The following ZMYM2 variants were observed in gnomAD, a reference collection of about 807,000 sequenced individuals.
ZMYM2 encodes the protein zinc finger MYM-type containing 2, also known as zinc finger MYM-type protein 2.
In ZMYM2, 56 loss-of-function variants were observed where a neutral mutation model predicts 162.8. That is an observed-to-expected ratio of 0.34 (90% CI 0.28 to 0.43). The LOEUF is 0.43. Among genes scored for constraint, ZMYM2 ranks in the 20% least tolerant of loss-of-function variants. ZMYM2 has a pLI of 1.00. For synonymous variants in ZMYM2, 510 were observed against 541.6 expected, an observed-to-expected ratio of 0.94 and a Z score of 0.81; for missense variants, 1,275 against 1,621.8, an observed-to-expected ratio of 0.79 and a Z score of 3.67.
Position 20,067,355 on chromosome 13 carries a change from G to A in ZMYM2, c.3418G>A (p.Asp1140Asn), listed in dbSNP as rs1266466626. ...RRPNGENYAP[D>N]SIYYLCLGIQ... Reference sequence around the variant, plus strand: ...GCCAAATGGAGAGAATTATGCACCTGACAGCATCTATTACCTTTGCCTTGG... The same window carrying A: ...GCCAAATGGAGAGAATTATGCACCTAACAGCATCTATTACCTTTGCCTTGG... Residue 1140 changes from aspartate (D) to asparagine (N), a missense_variant, in exon 21 of 25, where the codon GAC becomes AAC. Physicochemically the swap from Asp to Asn is conservative, Grantham distance 23. This residue lies in a region of ZMYM2 where 229 missense variants were observed against 283.8 expected (regional missense o/e 0.81). Transcript: ENST00000610343. The A allele has an allele frequency of 6.2e-7, 1 of 1,611,152 alleles. No homozygotes were observed. The highest frequency in any genetic ancestry group is 8.5e-7 in the Non-Finnish European group (1 of 1,178,358).
chr13:19,916,333 AC>A, the ZMYM2 span, among the ~76,000 whole-genome samples: 1 of 152,140 alleles, frequency 6.6e-6, no homozygotes, highest in Non-Finnish European at 1.5e-5. Flanking sequence ...AACTAGAAAT[AC>A]CATTTGACCC....
At position 20,087,276 on chromosome 13, in the gene ZMYM2, A is replaced by C. The variant is rs571811841; in HGVS notation, c.*1262A>C. The C allele has an allele frequency of 5.3e-6, 1 of 189,112 alleles. No individual in the cohort carries two copies. The highest frequency in any genetic ancestry group is 2.3e-5 in the African/African-American group (1 of 42,898). The allele number at this position is 189,112 out of a possible 1,614,324, so 11.7% of individuals were successfully genotyped here. A position where few individuals can be genotyped will look rare whatever the true frequency, so the allele number is the denominator to read the frequency against. On this transcript the variant is annotated 3_prime_UTR_variant, in exon 25 of 25. Coordinates refer to ENST00000610343, the MANE Select transcript of ZMYM2 (RefSeq NM_197968.4). ...CTTCTTATAGAAGATTGCATTAAAA[A>C]AAAAAACAACTTTGTGCTTCTGCAT...
intron 11 of ZMYM2, among the ~76,000 whole-genome samples, chr13:20,035,059 TG>T (rs1032833383): frequency 6.6e-6 from 1 of 152,218 alleles, no homozygotes. Context: ...TGCTCTAAGC[TG>T]GCTTTCACTT....
intron 21 of ZMYM2, among the ~76,000 whole-genome samples, chr13:20,075,568 T>A (rs548864655): frequency 4.0e-5 from 6 of 151,704 alleles, no homozygotes; most frequent in African/African-American, 1.5e-4. Context: ...AATCCTACGA[T>A]AACCATCATT....
chr13:19,909,867 T>C, the ZMYM2 span, among the ~76,000 whole-genome samples: 1 of 151,900 alleles, frequency 6.6e-6, no homozygotes, highest in Non-Finnish European at 1.5e-5. Flanking sequence ...CTGGGGAACA[T>C]GTGTAGGAAT....
the ZMYM2 span, among the ~76,000 whole-genome samples, chr13:19,907,935 C>G: frequency 1.3e-5 from 2 of 152,088 alleles, no homozygotes; most frequent in African/African-American, 4.8e-5. Flanking sequence ...TAAACTCCCT[C>G]TCTTTCTTCA....
the ZMYM2 span, among the ~76,000 whole-genome samples, chr13:19,872,084 C>G: frequency 6.6e-6 from 1 of 151,938 alleles, no homozygotes; most frequent in Non-Finnish European, 1.5e-5. Context: ...ATCCTCCCAC[C>G]TCAGCTTCTA....
the ZMYM2 span, among the ~76,000 whole-genome samples, chr13:19,884,562 G>A: frequency 0.012 from 1,844 of 151,960 alleles, 39 homozygotes; most frequent in African/African-American, 0.041. Context: ...AACAGAGAAG[G>A]AAACCTGTAT....
the ZMYM2 span, among the ~76,000 whole-genome samples, chr13:19,918,502 T>TC: frequency 7.6e-6 from 1 of 130,858 alleles, no homozygotes; most frequent in Admixed American, 7.2e-5. Flanking sequence ...TTTCTTTTTT[T>TC]TTTTTTTTTT....
chr13:20,064,318 T>A (rs1450878333), intron 18 of ZMYM2, 133 bp from the exon 19 acceptor site: 1 of 551,366 alleles, frequency 1.8e-6, no homozygotes, highest in African/African-American at 1.9e-5. Flanking sequence ...ATGAGTCATT[T>A]ACTCCCCAGC....
At chr13:19,871,886 A>T in the ZMYM2 span, among the ~76,000 whole-genome samples, 1 of 152,208 alleles carries the variant, frequency 6.6e-6, no homozygotes, top group Admixed American at 6.5e-5. Context: ...TTAATAATAA[A>T]AAATCGGAAA....
the ZMYM2 span, among the ~76,000 whole-genome samples, chr13:19,882,666 G>A: frequency 6.6e-6 from 1 of 152,080 alleles, no homozygotes; most frequent in Admixed American, 6.6e-5. Flanking sequence ...AGGATCACCT[G>A]AGCCCAGTAG....
chr13:20,072,581 A>G (rs1489731019), intron 21 of ZMYM2, among the ~76,000 whole-genome samples: 2 of 152,136 alleles, frequency 1.3e-5, no homozygotes, highest in African/African-American at 4.8e-5. Context: ...CCTTCCTCCT[A>G]TTTTCTGAAA....
intron 2 of ZMYM2, among the ~76,000 whole-genome samples, chr13:19,979,408 T>G (rs1336450001): frequency 1.3e-5 from 2 of 150,250 alleles, no homozygotes; most frequent in Non-Finnish European, 2.9e-5. Context: ...GATAGAGCTG[T>G]TCACGTGACT....
intron 2 of ZMYM2, among the ~76,000 whole-genome samples, chr13:19,991,585 TTAGCATCTGTAAG>T (rs1949624282): frequency 6.6e-6 from 1 of 151,822 alleles, no homozygotes; most frequent in South Asian, 2.1e-4. Flanking sequence ...GGCAAGAGAG[TTAGCATCTGTAAG>T]CCAGAATTTC....
the ZMYM2 span, among the ~76,000 whole-genome samples, chr13:19,901,877 C>T: frequency 6.6e-6 from 1 of 152,164 alleles, no homozygotes; most frequent in African/African-American, 2.4e-5. Flanking sequence ...ACTGCAACCT[C>T]AAACTCCTAG....
rs568905117 is a variant in ZMYM2, at chr13:19,973,689, A to AAC, written c.-11+13663_-11+13664insAC. ...CCATCTCAAAAAAAAAAAAAAAAAA[A>AAC]CACCAAAAAACAAAACAAAAAACAG... On this transcript the variant is annotated intron_variant, in intron 2 of 24. Coordinates refer to ENST00000610343, the MANE Select transcript of ZMYM2 (RefSeq NM_197968.4). Among the ~76,000 whole-genome samples the AAC allele has an allele frequency of 8.1e-4, 115 of 142,600 alleles. 4 individuals are homozygous for AAC. The highest frequency in any genetic ancestry group is 2.0e-3 in the South Asian group (9 of 4,474). 93.6% of individuals were successfully genotyped at this position (142,600 alleles called of 152,430 possible).
At chr13:19,996,907 G>A (rs532813894) in intron 3 of ZMYM2, among the ~76,000 whole-genome samples, 1 of 152,292 alleles carries the variant, frequency 6.6e-6, no homozygotes, top group South Asian at 2.1e-4. Flanking sequence ...AGAAAGCTGA[G>A]CATGAAGGTG....
chr13:20,007,709 C>T (rs182238625), intron 6 of ZMYM2, among the ~76,000 whole-genome samples: 6 of 151,006 alleles, frequency 4.0e-5, no homozygotes, highest in Admixed American at 4.0e-4. Context: ...CAACTTCCAC[C>T]TCCTGGGTTC....
Sources: allele counts gnomAD v4.1 joint callset (sites outside exome capture counted in the v4.1 genomes callset), GRCh38; gene constraint gnomAD v4.1.1; regional missense constraint gnomAD v4.1.1; transcripts MANE v1.5; gene names NCBI Gene and HGNC (gene_info 2026-07-23, HGNC 2026-07-21).